ADAMTSL2: variants seen among roughly 807,000 people sequenced by gnomAD.
ADAMTSL2 encodes the protein ADAMTS like 2.
In ADAMTSL2, 55 loss-of-function variants were observed where a neutral mutation model predicts 117.0. The observed-to-expected ratio is 0.47, with a 90% CI of 0.38 to 0.59. ADAMTSL2 has a LOEUF of 0.59. Ranked by LOEUF, ADAMTSL2 falls within the 20% of genes least tolerant of loss-of-function variation. The probability of loss-of-function intolerance (pLI) is 0.00; values close to 1 mark genes in which losing one functional copy is unlikely to be tolerated. For missense variants in ADAMTSL2, 1,182 were observed against 1,354.5 expected, an observed-to-expected ratio of 0.87 and a Z score of 2.00; for synonymous variants, 572 against 566.4, an observed-to-expected ratio of 1.01 and a Z score of -0.14.
rs772868128 is a variant in ADAMTSL2 at position 133,547,159 on chromosome 9, C to T, written c.885C>T (p.Thr295=). ...KYRRPMDVYE[T]GIEYIVAQGP... The stretch of plus-strand genomic sequence containing the variant: ...GGCGGCCCATGGATGTCTATGAGAC[C>T]GGAATCGAGTACATCGTGGCACAGG... Residue 295 remains threonine (T), a synonymous_variant, in exon 9 of 19, where the codon ACC becomes ACT. Coordinates refer to ENST00000651351, the MANE Select transcript of ADAMTSL2 (RefSeq NM_014694.4). 82 of 1,614,144 alleles carry T rather than the reference C, an allele frequency of 5.1e-5. No homozygotes were observed. The highest frequency in any genetic ancestry group is 3.8e-4 in the Admixed American group (23 of 60,036).
At chr9:133,563,852 A>G (rs1588302052) in intron 12 of ADAMTSL2, among the ~76,000 whole-genome samples, 4 of 78,306 alleles carry the variant, frequency 5.1e-5, no homozygotes, top group African/African-American at 1.0e-4. Context: ...AGGGAGAGAG[A>G]GAGAGAGAGA....
At chr9:133,539,656 G>GCTGTCCCGGCTGTCCCGA in intron 4 of ADAMTSL2, 115 bp from the exon 5 acceptor site, 2 of 969,550 alleles carry the variant, frequency 2.1e-6, no homozygotes, top group Non-Finnish European at 1.6e-6. Context: ...CCCCCGCACG[G>GCTGTCCCGGCTGTCCCGA]CTGTCCCGGC....
At chr9:133,552,589 T>A (rs946047041) in intron 9 of ADAMTSL2, among the ~76,000 whole-genome samples, 8 of 152,178 alleles carry the variant, frequency 5.3e-5, no homozygotes, top group Admixed American at 2.0e-4. Context: ...TTGACAGGGA[T>A]AGAAAAGAAC....
chr9:133,565,596 G>A (rs1830950680), intron 12 of ADAMTSL2, among the ~76,000 whole-genome samples: 1 of 152,202 alleles, frequency 6.6e-6, no homozygotes, highest in Non-Finnish European at 1.5e-5. Context: ...CGTGATTGCA[G>A]CCTGGCTCGT....
chr9:133,553,016 G>T (rs1830522330), intron 9 of ADAMTSL2, among the ~76,000 whole-genome samples: 1 of 152,200 alleles, frequency 6.6e-6, no homozygotes, highest in Non-Finnish European at 1.5e-5. Flanking sequence ...GACTGGGCGA[G>T]AATGTGACTT....
intron 17 of ADAMTSL2, among the ~76,000 whole-genome samples, chr9:133,571,465 G>A (rs1007550550): frequency 1.3e-5 from 2 of 152,236 alleles, no homozygotes; most frequent in African/African-American, 2.4e-5. Context: ...GTGCCCCCTC[G>A]CCCCCAGTTG....
chr9:133,548,150 C>T (rs1158291688), intron 9 of ADAMTSL2, among the ~76,000 whole-genome samples: 1 of 152,216 alleles, frequency 6.6e-6, no homozygotes, highest in Non-Finnish European at 1.5e-5. Context: ...TGTTGCAGGT[C>T]ATGAAATGTG....
chr9:133,565,887 A>G (rs926459145), intron 12 of ADAMTSL2, among the ~76,000 whole-genome samples: 2 of 151,946 alleles, frequency 1.3e-5, no homozygotes, highest in African/African-American at 4.8e-5. Flanking sequence ...CCACAGCAGA[A>G]GCAGCAAACC....
chr9:133,571,669 A>G (rs1831109584), intron 17 of ADAMTSL2, among the ~76,000 whole-genome samples: 1 of 152,142 alleles, frequency 6.6e-6, no homozygotes, highest in Non-Finnish European at 1.5e-5. Flanking sequence ...CACATCAGCC[A>G]TCCGTGCCCC....
intron 3 of ADAMTSL2, among the ~76,000 whole-genome samples, chr9:133,537,969 A>G (rs1421256891): frequency 1.3e-5 from 2 of 152,186 alleles, no homozygotes; most frequent in African/African-American, 2.4e-5. Context: ...CCCTCACTGT[A>G]TGACCTTGGG....
chr9:133,564,555 GGAGA>G (rs1361836918), intron 12 of ADAMTSL2, among the ~76,000 whole-genome samples: 3 of 54,164 alleles, frequency 5.5e-5, no homozygotes, highest in Non-Finnish European at 3.4e-5. Context: ...AGAGGGAGAG[GGAGA>G]GAGAGAGGGA....
At chr9:133,572,264 C>T (rs1447200665) in intron 17 of ADAMTSL2, among the ~76,000 whole-genome samples, 1 of 151,444 alleles carries the variant, frequency 6.6e-6, no homozygotes, top group Non-Finnish European at 1.5e-5. Flanking sequence ...TCACTCATTC[C>T]CTGTTGCCCA....
chr9:133,574,914 G>A lies in ADAMTSL2; in HGVS notation c.*50G>A. On this transcript the variant is annotated 3_prime_UTR_variant, in exon 19 of 19. Coordinates refer to ENST00000651351, the MANE Select transcript of ADAMTSL2 (RefSeq NM_014694.4). ...GATGAAGACCAAGCGCCCCTCCTGGGGCTGCTGCAGCTTCTGGGGCCTCCA... is the reference window on the plus strand; with the variant it reads ...GATGAAGACCAAGCGCCCCTCCTGGAGCTGCTGCAGCTTCTGGGGCCTCCA... The A allele has an allele frequency of 1.4e-6, 2 of 1,477,930 alleles. No homozygotes were observed. Among genetic ancestry groups the A allele is most frequent in the South Asian group, 1.1e-5 (1 of 88,468 alleles). 91.6% of individuals were successfully genotyped at this position (1,477,930 alleles called of 1,614,324 possible). A position where few individuals can be genotyped will look rare whatever the true frequency, so the allele number is the denominator to read the frequency against.
chr9:133,569,296 C>G (rs1831049476), intron 15 of ADAMTSL2, 112 bp from the exon 16 acceptor site: 10 of 1,091,992 alleles, frequency 9.2e-6, no homozygotes, highest in African/African-American at 3.1e-5. Flanking sequence ...ACCATGGCAA[C>G]CGCTTCGACA....
At chr9:133,563,497 C>T (rs987793164) in intron 12 of ADAMTSL2, among the ~76,000 whole-genome samples, 20 of 152,222 alleles carry the variant, frequency 1.3e-4, no homozygotes, top group African/African-American at 4.6e-4. Flanking sequence ...TCCTCCCAGA[C>T]ACATCGCTGG....
chr9:133,541,106 T>G, intron 7 of ADAMTSL2, 105 bp downstream of exon 7: 3 of 1,502,412 alleles, frequency 2.0e-6, no homozygotes, highest in Non-Finnish European at 2.7e-6. Flanking sequence ...GGGCAAGTTC[T>G]TCCCCTCTAG....
At chr9:133,551,296 G>GACCC (rs145422438) in intron 9 of ADAMTSL2, among the ~76,000 whole-genome samples, 27 of 146,928 alleles carry the variant, frequency 1.8e-4, no homozygotes, top group African/African-American at 2.2e-4. Flanking sequence ...CATCATAAGG[G>GACCC]CCCCCCCACA....
At position 133,534,873 on chromosome 9, in the gene ADAMTSL2, G is replaced by T. The variant is rs1469168259; in HGVS notation, c.-195G>T. On this transcript the variant is annotated 5_prime_UTR_variant, in exon 1 of 19. Transcript: ENST00000651351. Reference sequence around the variant, plus strand: ...CCTGGCGCCGTCTGCCCTCCGCAGCGCTCGCCCCTTTCTCTGGGAGGACAA... The same window carrying T: ...CCTGGCGCCGTCTGCCCTCCGCAGCTCTCGCCCCTTTCTCTGGGAGGACAA... 2 of 1,474,934 alleles carry T rather than the reference G, an allele frequency of 1.4e-6. No homozygotes were observed. Among genetic ancestry groups the T allele is most frequent in the African/African-American group, 1.5e-5 (1 of 68,710 alleles). The allele number at this position is 1,474,934 out of a possible 1,614,324, so 91.4% of individuals were successfully genotyped here.
At chr9:133,555,958 C>T (rs1830596567) in intron 11 of ADAMTSL2, 28 bp downstream of exon 11, 10 of 1,604,302 alleles carry the variant, frequency 6.2e-6, no homozygotes, top group African/African-American at 1.3e-5. Context: ...GAGCCCTGTC[C>T]AGGGCCCTCA....
Sources: allele counts gnomAD v4.1 joint callset (sites outside exome capture counted in the v4.1 genomes callset), GRCh38; gene constraint gnomAD v4.1.1; transcripts MANE v1.5; gene names NCBI Gene and HGNC (gene_info 2026-07-23, HGNC 2026-07-21).